Variants in HMCN1 observed in about 807,000 individuals in gnomAD.
HMCN1 encodes the protein hemicentin-1.
In HMCN1, 321 loss-of-function variants were observed where a neutral mutation model predicts 625.9. The ratio of observed to expected loss-of-function variants is 0.51; its 90% confidence interval spans 0.47 to 0.56. The LOEUF is 0.56. Ranked by LOEUF, HMCN1 falls within the 20% of genes least tolerant of loss-of-function variation. HMCN1 has a pLI of 0.00. For missense variants in HMCN1, 6,588 were observed against 6,887.3 expected (o/e 0.96, Z 1.54); for synonymous variants, 2,425 against 2,417.6 (o/e 1.00, Z -0.09).
chr1:186,149,420 T>A (rs1370846584), intron 93 of HMCN1, among the ~76,000 whole-genome samples: 1 of 152,178 alleles, frequency 6.6e-6, no homozygotes, highest in Non-Finnish European at 1.5e-5. Flanking sequence ...TTCTGCAGCT[T>A]CCTCATCTAC....
chr1:186,140,425 G>T (rs1649883186), intron 89 of HMCN1, among the ~76,000 whole-genome samples: 1 of 152,098 alleles, frequency 6.6e-6, no homozygotes, highest in Admixed American at 6.6e-5. Context: ...ATTACATGTA[G>T]GTTTTGCATT....
chr1:185,782,563 A>G (rs1657212736), intron 1 of HMCN1, among the ~76,000 whole-genome samples: 1 of 152,154 alleles, frequency 6.6e-6, no homozygotes, highest in South Asian at 2.1e-4. Context: ...ATCTCTCAGC[A>G]TTTGCTTGTC....
At chr1:186,097,148 C>T (rs966079902) in intron 68 of HMCN1, among the ~76,000 whole-genome samples, 6 of 152,078 alleles carry the variant, frequency 3.9e-5, no homozygotes, top group African/African-American at 1.4e-4. Context: ...AAGACTCCAC[C>T]AGAAAACTCT....
chr1:185,770,070 A>T (rs2102144034), intron 1 of HMCN1, among the ~76,000 whole-genome samples: 1 of 152,288 alleles, frequency 6.6e-6, no homozygotes, highest in African/African-American at 2.4e-5. Flanking sequence ...AGACAGTTCC[A>T]GCTATTTTTG....
intron 57 of HMCN1, among the ~76,000 whole-genome samples, chr1:186,083,993 CT>C (rs1215374902): frequency 6.6e-6 from 1 of 152,140 alleles, no homozygotes. Context: ...ACATTCTAAT[CT>C]GTAAAGTGCA....
At chr1:185,743,982 GTTT>G (rs1214723950) in intron 1 of HMCN1, among the ~76,000 whole-genome samples, 30 of 88,128 alleles carry the variant, frequency 3.4e-4, no homozygotes, top group Non-Finnish European at 5.9e-4. Context: ...TTACTGTTTT[GTTT>G]TTTTTTTTTT....
intron 11 of HMCN1, among the ~76,000 whole-genome samples, chr1:185,949,785 G>A (rs1431922249): frequency 6.6e-6 from 1 of 151,318 alleles, no homozygotes; most frequent in Admixed American, 6.6e-5. Flanking sequence ...TATCTGACTC[G>A]GCATGTTGAG....
intron 97 of HMCN1, among the ~76,000 whole-genome samples, chr1:186,154,594 G>C (rs535652477): frequency 9.3e-4 from 142 of 152,256 alleles, no homozygotes; most frequent in African/African-American, 3.0e-3. Context: ...AAGTCCATTT[G>C]TTATTGTTTT....
intron 69 of HMCN1, among the ~76,000 whole-genome samples, chr1:186,106,239 G>T (rs1660601758): frequency 6.6e-6 from 1 of 152,132 alleles, no homozygotes; most frequent in Non-Finnish European, 1.5e-5. Context: ...ACACGATCAT[G>T]GGTTGTGTCT....
At chr1:185,924,971 A>T in intron 8 of HMCN1, 76 bp from the exon 9 acceptor site, 1 of 1,231,858 alleles carries the variant, frequency 8.1e-7, no homozygotes, top group African/African-American at 1.5e-5. Context: ...TTTTGAATGG[A>T]TTAAGAGGCA....
chr1:186,046,076 C>CA (rs1008573905), intron 41 of HMCN1, among the ~76,000 whole-genome samples: 8 of 151,808 alleles, frequency 5.3e-5, no homozygotes, highest in African/African-American at 1.7e-4. Flanking sequence ...GAAATGATCC[C>CA]AAAAAAATGC....
Position 186,151,337 on chromosome 1 carries a change from C to T in HMCN1, c.14746C>T (p.Pro4916Ser), listed in dbSNP as rs753148835. 6.2e-7 allele frequency: 1 copy of T among 1,613,228 alleles called. No homozygotes were observed. Among genetic ancestry groups the T allele is most frequent in the Non-Finnish European group, 8.5e-7 (1 of 1,179,352 alleles). Residue 4916 changes from proline (P) to serine (S), a missense_variant, in exon 94 of 107, where the codon CCT (proline) becomes TCT (serine). Transcript: ENST00000271588. ...RIIRAKITNV[P>S]RSLGSAMRKI... ...AATACGTGCCAAAATTACCAATGTA[C>T]CTCGTAGTCTTGGTAAGTCTTTGCC...
chr1:185,795,228 A>G (rs958808449), intron 1 of HMCN1, among the ~76,000 whole-genome samples: 3 of 152,196 alleles, frequency 2.0e-5, no homozygotes, highest in South Asian at 2.1e-4. Flanking sequence ...GACGGAAGCT[A>G]TAGTGCCTTT....
At chr1:185,928,068 A>G (rs2102486484) in intron 9 of HMCN1, among the ~76,000 whole-genome samples, 1 of 152,292 alleles carries the variant, frequency 6.6e-6, no homozygotes, top group Admixed American at 6.5e-5. Flanking sequence ...ATGGCCTTAT[A>G]TCTTATCTAA....
At chr1:185,790,715 G>A (rs577154059) in intron 1 of HMCN1, among the ~76,000 whole-genome samples, 1 of 152,286 alleles carries the variant, frequency 6.6e-6, no homozygotes, top group South Asian at 2.1e-4. Context: ...GGCACTAATT[G>A]CTGATTGCAT....
intron 1 of HMCN1, among the ~76,000 whole-genome samples, chr1:185,760,604 A>G (rs1655432305): frequency 6.6e-6 from 1 of 152,186 alleles, no homozygotes; most frequent in South Asian, 2.1e-4. Context: ...ACAATTAATG[A>G]GACAGACAAC....
chr1:186,023,062 CA>C lies in HMCN1; in HGVS notation c.5662del (p.Thr1888ProfsTer41). The C allele has an allele frequency of 6.2e-7, 1 of 1,613,414 alleles. No individual in the cohort carries two copies. Among genetic ancestry groups the C allele is most frequent in the South Asian group, 1.1e-5 (1 of 91,076 alleles). On this transcript the variant is annotated frameshift_variant, in exon 36 of 107. Transcript: ENST00000271588. LOFTEE classifies it high-confidence loss of function. The part of the protein sequence containing the change: ...QSSGRVLQIA[K>X]TLLEDAGRYT... ...CTTCTGGTCGAGTTCTACAAATTGC[CA>C]AAACCCTGTTGGAAGATGCTGGCAG...
intron 57 of HMCN1, among the ~76,000 whole-genome samples, chr1:186,085,680 C>T (rs1659435494): frequency 6.6e-6 from 1 of 152,020 alleles, no homozygotes; most frequent in Admixed American, 6.6e-5. Flanking sequence ...TAGAAATCCA[C>T]CTCAAATTCC....
chr1:185,813,752 A>G (rs574119746), intron 1 of HMCN1, among the ~76,000 whole-genome samples: 2 of 152,290 alleles, frequency 1.3e-5, no homozygotes, highest in African/African-American at 4.8e-5. Context: ...AAATTTTCTG[A>G]CTTGTTTTCA....
Sources: allele counts gnomAD v4.1 joint callset (sites outside exome capture counted in the v4.1 genomes callset), GRCh38; gene constraint gnomAD v4.1.1; transcripts MANE v1.5; gene names NCBI Gene and HGNC (gene_info 2026-07-23, HGNC 2026-07-21).